The following DNAH14 variants were observed in gnomAD, a reference collection of about 807,000 sequenced individuals.
DNAH14 encodes the protein dynein axonemal heavy chain 14, also known as axonemal beta dynein heavy chain 14.
Under a neutral mutation model 520.9 loss-of-function variants are expected in DNAH14, and 478 were observed. That is an observed-to-expected ratio of 0.92 (90% CI 0.85 to 0.99). The LOEUF (loss-of-function observed/expected upper bound fraction) is 0.99, where lower values mean the gene tolerates loss of function less well. Among genes scored for constraint, DNAH14 ranks in the 50% least tolerant of loss-of-function variants. DNAH14 has a pLI of 0.00. For synonymous variants in DNAH14, 1,581 were observed against 1,757.2 expected (o/e 0.90, Z 2.51); for missense variants, 4,831 against 5,234.5 (o/e 0.92, Z 2.38).
chr1:225,167,842 C>A lies in DNAH14; in HGVS notation c.5446-97C>A, dbSNP rs535294266. ...AATCAAGAATTACTATCTTAAAGAG[C>A]GGTAATTGGTACCTAGTTAAGAGAG... On this transcript the variant is annotated intron_variant, in intron 35 of 85. Coordinates refer to ENST00000682510, the MANE Select transcript of DNAH14 (RefSeq NM_001367479.1). The A allele has an allele frequency of 6.7e-6, 4 of 595,638 alleles. No individual in the cohort carries two copies. In the East Asian group the frequency reaches 1.0e-4, roughly 15 times the overall value. 36.9% of individuals were successfully genotyped at this position (595,638 alleles called of 1,614,324 possible).
Position 225,377,369 on chromosome 1 carries a change from G to A in DNAH14, c.12649G>A (p.Gly4217Ser), listed in dbSNP as rs1350094853. Residue 4217 changes from glycine to serine, a missense_variant, in exon 79 of 86, where the codon GGC (glycine) becomes AGC (serine). By Grantham distance (56) the Gly-to-Ser change is moderately conservative. Coordinates refer to ENST00000682510, the MANE Select transcript of DNAH14 (RefSeq NM_001367479.1). ...CATCAGGAGCTGCTGGGAGACCCAG[G>A]GCGAAAAGTTTATTGAAAATCTGAT... Reference protein sequence around the residue: ...EAIRSCWETQGEKFIENLIAM... With the variant: ...EAIRSCWETQSEKFIENLIAM... 1 of 1,551,114 alleles carries A rather than the reference G, an allele frequency of 6.4e-7. No homozygotes were observed. Among genetic ancestry groups the A allele is most frequent in the South Asian group, 1.2e-5 (1 of 83,938 alleles).
At position 225,062,545 on chromosome 1, in the gene DNAH14, A is replaced by T. The variant is rs536480164; in HGVS notation, c.2424+10750A>T. On this transcript the variant is annotated intron_variant, in intron 17 of 85. Transcript: ENST00000682510. ...GCAGAGTCCTATAAAGAAGGAAGCT[A>T]TGAAGAAAAAAAAAGCCCCAGAAAT... Among the ~76,000 whole-genome samples, 4 of 63,884 alleles carry T rather than the reference A, an allele frequency of 6.3e-5. No homozygotes were observed. The East Asian group carries it at 1.5e-3, about 24-fold the overall frequency. 41.9% of individuals were successfully genotyped at this position (63,884 alleles called of 152,430 possible).
At position 225,050,209 on chromosome 1, in the gene DNAH14, G is replaced by A. The variant is rs2068408767; in HGVS notation, c.1913-1G>A. The A allele has an allele frequency of 1.3e-6, 2 of 1,525,952 alleles. No individual in the cohort carries two copies. Among genetic ancestry groups the A allele is most frequent in the African/African-American group, 2.8e-5 (2 of 71,142 alleles). The allele number at this position is 1,525,952 out of a possible 1,614,324, so 94.5% of individuals were successfully genotyped here. A position where few individuals can be genotyped will look rare whatever the true frequency, so the allele number is the denominator to read the frequency against. On this transcript the variant is annotated splice_acceptor_variant, in intron 15 of 85. Coordinates refer to ENST00000682510, the MANE Select transcript of DNAH14 (RefSeq NM_001367479.1). LOFTEE classifies it high-confidence loss of function. ...ACTGACTTTTAAATTATATATTTTA[G>A]CCACAATTACTCCTCTTTGCCAAGA...
intron 77 of DNAH14, among the ~76,000 whole-genome samples, chr1:225,374,248 CTATATA>C (rs370980116): frequency 0.54 from 41,742 of 77,402 alleles, 9,949 homozygotes; most frequent in Middle Eastern, 0.72. Flanking sequence ...ATATATTTGT[CTATATA>C]TATATATATA....
At chr1:225,059,853 CCCCCACT>C (rs1309913480) in intron 17 of DNAH14, among the ~76,000 whole-genome samples, 1 of 152,176 alleles carries the variant, frequency 6.6e-6, no homozygotes, top group African/African-American at 2.4e-5. Context: ...TGAATATTGG[CCCCCACT>C]CTCTTCTGAC....
Position 225,351,564 on chromosome 1 carries a change from T to C in DNAH14, c.11297-83T>C, listed in dbSNP as rs1310537140. On this transcript the variant is annotated intron_variant, in intron 71 of 85. Transcript: ENST00000682510. ...ATGAAATAGCCTTAACAGTACATCT[T>C]TGTCAAGTATCTACTTTGTAATGAA... The C allele has an allele frequency of 4.5e-6, 4 of 897,546 alleles. No homozygotes were observed. The East Asian group carries it at 1.1e-4, about 25-fold the overall frequency. The allele number at this position is 897,546 out of a possible 1,614,324, so 55.6% of individuals were successfully genotyped here.
intron 21 of DNAH14, among the ~76,000 whole-genome samples, chr1:225,089,025 T>A (rs1572980858): frequency 1.3e-5 from 2 of 152,184 alleles, no homozygotes; most frequent in African/African-American, 2.4e-5. Context: ...GAATTTAATT[T>A]CATTTAAGGA....
rs117761872 is a variant in DNAH14, at chr1:225,038,588, T to C, written c.1359-106T>C. 1,162 of 1,166,042 alleles carry C rather than the reference T, an allele frequency of 1.0e-3. 21 individuals carry two copies. The East Asian group carries it at 0.025, about 25-fold the overall frequency. The allele number at this position is 1,166,042 out of a possible 1,614,324, so 72.2% of individuals were successfully genotyped here. On this transcript the variant is annotated intron_variant, in intron 11 of 85. Transcript: ENST00000682510. ...GAAAGGTCTAGTCAGGTCCTTTGCC[T>C]GTTTTTTAATTGGGTTGCTTTTTGT... is the stretch of plus-strand genomic sequence containing the variant.
intron 43 of DNAH14, among the ~76,000 whole-genome samples, chr1:225,241,378 T>C (rs549023778): frequency 6.6e-6 from 1 of 152,190 alleles, no homozygotes; most frequent in South Asian, 2.1e-4. Context: ...ATATTAAGCA[T>C]AAATATATTT....
intron 36 of DNAH14, among the ~76,000 whole-genome samples, chr1:225,175,681 T>TA (rs1393206882): frequency 6.6e-6 from 1 of 150,392 alleles, no homozygotes; most frequent in Non-Finnish European, 1.5e-5. Flanking sequence ...TCTTGAGGTG[T>TA]AAGTGTGTTT....
intron 8 of DNAH14, among the ~76,000 whole-genome samples, chr1:225,000,631 C>T (rs1314615210): frequency 6.7e-6 from 1 of 149,856 alleles, no homozygotes; most frequent in Non-Finnish European, 1.5e-5. Context: ...GGATGGAGTG[C>T]AGTGGCATGA....
chr1:225,033,250 T>A (rs1188547978), intron 11 of DNAH14, among the ~76,000 whole-genome samples: 1 of 152,224 alleles, frequency 6.6e-6, no homozygotes, highest in African/African-American at 2.4e-5. Flanking sequence ...GAATTGATGT[T>A]TATATATGGT....
At chr1:225,323,862 C>G (rs752214684) in intron 62 of DNAH14, among the ~76,000 whole-genome samples, 4 of 152,082 alleles carry the variant, frequency 2.6e-5, no homozygotes, top group Admixed American at 6.6e-5. Context: ...TGTGCACTCG[C>G]TGGAGTGCAG....
At chr1:225,077,232 A>G (rs1312411819) in intron 17 of DNAH14, among the ~76,000 whole-genome samples, 1 of 152,148 alleles carries the variant, frequency 6.6e-6, no homozygotes, top group Non-Finnish European at 1.5e-5. Context: ...TTGACTTTCT[A>G]AGGGTAATCT....
chr1:225,149,281 T>C (rs1337980442), intron 31 of DNAH14, among the ~76,000 whole-genome samples: 1 of 152,210 alleles, frequency 6.6e-6, no homozygotes, highest in Admixed American at 6.5e-5. Flanking sequence ...TCCATTGGTC[T>C]ATGTGCCTGT....
At chr1:224,996,172 G>A (rs936430261) in intron 8 of DNAH14, among the ~76,000 whole-genome samples, 2 of 148,698 alleles carry the variant, frequency 1.3e-5, no homozygotes, top group South Asian at 2.1e-4. Context: ...GCTTTTATAG[G>A]TTTTTTTTTT....
At chr1:225,333,775 G>A (rs1033095741) in intron 66 of DNAH14, among the ~76,000 whole-genome samples, 6 of 151,740 alleles carry the variant, frequency 4.0e-5, no homozygotes, top group Non-Finnish European at 5.9e-5. Flanking sequence ...AATGAATATA[G>A]GCAATTTCTC....
At chr1:225,214,767 T>A (rs2089036260) in intron 41 of DNAH14, among the ~76,000 whole-genome samples, 1 of 152,216 alleles carries the variant, frequency 6.6e-6, no homozygotes, top group Non-Finnish European at 1.5e-5. Flanking sequence ...CCTTTGTCAT[T>A]TTTTATTGCA....
chr1:225,088,074 C>T (rs955211343), intron 21 of DNAH14, among the ~76,000 whole-genome samples: 8 of 152,132 alleles, frequency 5.3e-5, no homozygotes, highest in African/African-American at 1.9e-4. Flanking sequence ...GATTTAACTG[C>T]ACCCAGAACA....
Sources: allele counts gnomAD v4.1 joint callset (sites outside exome capture counted in the v4.1 genomes callset), GRCh38; gene constraint gnomAD v4.1.1; transcripts MANE v1.5; gene names NCBI Gene and HGNC (gene_info 2026-07-23, HGNC 2026-07-21).